Variants in R3HDM2 observed in about 807,000 individuals in gnomAD.
The protein encoded by R3HDM2 is R3H domain-containing protein 2.
In R3HDM2, 38 loss-of-function variants were observed where a neutral mutation model predicts 124.5. The ratio of observed to expected loss-of-function variants is 0.31; its 90% CI spans 0.24 to 0.40. R3HDM2 has a LOEUF of 0.40. R3HDM2 is among the 10% of genes least tolerant of loss of function. The pLI is 1.00. For synonymous variants in R3HDM2, 391 were observed against 448.0 expected, an observed-to-expected ratio of 0.87 and a Z score of 1.61; for missense variants, 869 against 1,236.9, an observed-to-expected ratio of 0.70 and a Z score of 4.46.
chr12:57,299,298 T>C (rs904943250), intron 6 of R3HDM2, 54 bp downstream of exon 6: 4 of 1,492,414 alleles, frequency 2.7e-6, no homozygotes, highest in Non-Finnish European at 2.7e-6. Context: ...GGCTTCAGGA[T>C]AAAAGTAAAG....
intron 2 of R3HDM2, among the ~76,000 whole-genome samples, chr12:57,318,284 T>C (rs2055616956): frequency 1.3e-5 from 2 of 151,772 alleles, no homozygotes; most frequent in Non-Finnish European, 2.9e-5. Context: ...AAGGCAAGAC[T>C]CTGTCTCAAA....
intron 2 of R3HDM2, among the ~76,000 whole-genome samples, chr12:57,315,475 C>A (rs2054818880): frequency 6.6e-6 from 1 of 152,190 alleles, no homozygotes; most frequent in Non-Finnish European, 1.5e-5. Flanking sequence ...CCGTTCAAGG[C>A]ACAGCAGTGG....
At chr12:57,377,107 A>AAATAAATAAATAAATAAAT (rs1566405448) in intron 2 of R3HDM2, among the ~76,000 whole-genome samples, 3 of 18,410 alleles carry the variant, frequency 1.6e-4, no homozygotes, top group Non-Finnish European at 4.0e-4. Flanking sequence ...AATAAATAAA[A>AAATAAATAAATAAATAAAT]GAGACTTGGT....
rs113742467 is a variant in R3HDM2, at chr12:57,398,730, C to T, written c.-105-2912G>A. On this transcript the variant is annotated intron_variant, in intron 1 of 23. Coordinates refer to ENST00000402412, the MANE Select transcript of R3HDM2 (RefSeq NM_001394031.1). ...TCTCAAACTCCTGACCTCAAGTGAT[C>T]CGCCCACCTCAGCCTCCCAAAGTGC... Among the ~76,000 whole-genome samples, 433 of 152,256 alleles carry T rather than the reference C, an allele frequency of 2.8e-3. 3 individuals are homozygous for T. Among genetic ancestry groups the T allele is most frequent in the South Asian group, 5.4e-3 (26 of 4,826 alleles).
Position 57,268,374 on chromosome 12 carries a change from T to C in R3HDM2, c.1959A>G (p.Gln653=), listed in dbSNP as rs1175168146. 1.2e-6 allele frequency: 2 copies of C among 1,614,068 alleles called. No individual in the cohort carries two copies. The change falls in exon 18 of 24, where the codon CAA becomes CAG. Residue 653 remains glutamine (Q), a synonymous_variant. Transcript: ENST00000402412. ...PMLVPVSQSV[Q]GGLPAAGVPV... is the part of the protein sequence containing the mutation. ...GTACCCCCGCTGCTGGGAGGCCTCC[T>C]TGCACAGACTGGCTCACAGGGACCA...
chr12:57,266,858 G>A (rs764666815), intron 18 of R3HDM2, 27 bp from the exon 19 acceptor site: 3 of 1,489,734 alleles, frequency 2.0e-6, no homozygotes, highest in Non-Finnish European at 1.9e-6. Context: ...GAGAGGAGTG[G>A]TGAAGCAGTA....
chr12:57,319,357 C>T (rs1032340659), intron 2 of R3HDM2, among the ~76,000 whole-genome samples: 2 of 152,072 alleles, frequency 1.3e-5, no homozygotes, highest in Admixed American at 6.6e-5. Context: ...TTTCTACAAC[C>T]GTAGTCTTCC....
Position 57,296,948 on chromosome 12 carries a change from C to CGGG in R3HDM2, c.560+379_560+380insCCC. 4 of 219,150 alleles carry CGGG rather than the reference C, an allele frequency of 1.8e-5. No individual in the cohort carries two copies. The highest frequency in any genetic ancestry group is 2.7e-5 in the Non-Finnish European group (3 of 110,452). The allele number at this position is 219,150 out of a possible 1,614,324, so 13.6% of individuals were successfully genotyped here. ...GCATGTGCCTGTCATCCCAGCTACT[C>CGGG]AATGGCTGAGGCACAAGAATCACTT... On this transcript the variant is annotated intron_variant, in intron 8 of 23. Coordinates refer to ENST00000402412, the MANE Select transcript of R3HDM2 (RefSeq NM_001394031.1). This position sits in a 1 kb window ranked among gnomAD's most constrained non-coding sequence, Gnocchi z 4.5.
At chr12:57,329,250 T>C (rs1472638226) in intron 2 of R3HDM2, among the ~76,000 whole-genome samples, 3 of 152,128 alleles carry the variant, frequency 2.0e-5, no homozygotes, top group African/African-American at 4.8e-5. Flanking sequence ...TTATGGTGAA[T>C]GAGGGGTAAA....
At chr12:57,260,603 AGAGT>A (rs2040547708) in intron 19 of R3HDM2, among the ~76,000 whole-genome samples, 1 of 152,268 alleles carries the variant, frequency 6.6e-6, no homozygotes, top group Admixed American at 6.5e-5. Flanking sequence ...GGGATTGTCT[AGAGT>A]GAGGGTTTAT....
At chr12:57,310,875 T>A (rs930707782) in intron 2 of R3HDM2, among the ~76,000 whole-genome samples, 2 of 152,168 alleles carry the variant, frequency 1.3e-5, no homozygotes, top group Non-Finnish European at 2.9e-5. Flanking sequence ...ATAAATGGAA[T>A]CAATCATACA....
At chr12:57,407,913 G>A (rs375221047) in intron 1 of R3HDM2, among the ~76,000 whole-genome samples, 12 of 151,556 alleles carry the variant, frequency 7.9e-5, no homozygotes, top group Admixed American at 2.6e-4. Flanking sequence ...CTACAGGTGC[G>A]TGCCACCACA....
At chr12:57,405,374 C>T (rs1418427246) in intron 1 of R3HDM2, among the ~76,000 whole-genome samples, 1 of 152,184 alleles carries the variant, frequency 6.6e-6, no homozygotes, top group Non-Finnish European at 1.5e-5. Context: ...TGCAGTGGCT[C>T]ATGCCTGTAA....
intron 7 of R3HDM2, chr12:57,297,628 C>G: frequency 2.4e-6 from 1 of 411,124 alleles, no homozygotes; most frequent in Non-Finnish European, 4.3e-6. Flanking sequence ...TTTGTTATAC[C>G]ATATCAGAAA....
chr12:57,296,406 C>T lies in R3HDM2; in HGVS notation c.701+5G>A. On this transcript the variant is annotated splice_donor_5th_base_variant and intron_variant, in intron 9 of 23. Transcript: ENST00000402412. The surrounding 1 kb of genome is among the most constrained non-coding windows in gnomAD (Gnocchi z 4.5). ...GTCTTCCCAAACCATGGTTTCCTCC[C>T]TTACATTCTTGTGTTACTAGTTTTG... The T allele has an allele frequency of 6.4e-7, 1 of 1,552,224 alleles. No homozygotes were observed. Among genetic ancestry groups the T allele is most frequent in the Non-Finnish European group, 8.7e-7 (1 of 1,147,074 alleles).
rs371968155 is a variant in R3HDM2 at position 57,288,396 on chromosome 12, C to CTATA, written c.938+609_938+612dup. Among the ~76,000 whole-genome samples the CTATA allele has an allele frequency of 1.3e-5, 2 of 150,406 alleles. 1 individual carries two copies. The highest frequency in any genetic ancestry group is 6.9e-3 in the Middle Eastern group (2 of 288). On this transcript the variant is annotated intron_variant, in intron 12 of 23. Transcript: ENST00000402412. Reference sequence around the variant, plus strand: ...CGTATATGTCTCTCTCTCTCTCTCTCTATATATATATATGTATTATTTTTT... The same window carrying CTATA: ...CGTATATGTCTCTCTCTCTCTCTCTCTATATATATATATATATGTATTATTTTTT...
In R3HDM2 at chr12:57,418,471, A is replaced by T. The variant is rs997665402; in HGVS notation, c.-106+12249T>A. 5 of 304,006 alleles carry T rather than the reference A, an allele frequency of 1.6e-5. No individual in the cohort carries two copies. In the Admixed American group the frequency reaches 1.9e-4, roughly 12 times the overall value. The allele number at this position is 304,006 out of a possible 1,614,324, so 18.8% of individuals were successfully genotyped here. On this transcript the variant is annotated intron_variant, in intron 1 of 23. Transcript: ENST00000402412. The stretch of plus-strand genomic sequence containing the variant: ...GCCTATCTTTGATGGACATGTAGTG[A>T]CAGTGGAAAGGAAACTAATTGTTTC...
chr12:57,405,947 G>C (rs940911000), intron 1 of R3HDM2, among the ~76,000 whole-genome samples: 1 of 152,066 alleles, frequency 6.6e-6, no homozygotes, highest in African/African-American at 2.4e-5. Context: ...AGACTAACAG[G>C]ATCACATCCA....
At chr12:57,370,405 GGGGGC>G (rs780753043) in intron 2 of R3HDM2, among the ~76,000 whole-genome samples, 2 of 133,380 alleles carry the variant, frequency 1.5e-5, no homozygotes, top group East Asian at 2.3e-4. Flanking sequence ...CCCGGGGGGG[GGGGGC>G]GGGGTGGATC....
Sources: allele counts gnomAD v4.1 joint callset (sites outside exome capture counted in the v4.1 genomes callset), GRCh38; gene constraint gnomAD v4.1.1; non-coding constraint Gnocchi (gnomAD v3.1); transcripts MANE v1.5; gene names NCBI Gene and HGNC (gene_info 2026-07-23, HGNC 2026-07-21).